Variants in HNRNPA1L2 observed in about 807,000 individuals in gnomAD.
HNRNPA1L2 encodes the protein heterogeneous nuclear ribonucleoprotein A1-like 2.
HNRNPA1L2 carries 10 observed loss-of-function variants against 18.2 expected under a neutral mutation model. The ratio of observed to expected loss-of-function variants is 0.55; its 90% confidence interval spans 0.34 to 0.93. The LOEUF is 0.93. HNRNPA1L2 is among the 40% of genes least tolerant of loss of function. The pLI, the probability that HNRNPA1L2 is intolerant of heterozygous loss-of-function variation, is 0.02. For missense variants in HNRNPA1L2, 308 were observed against 394.4 expected (o/e 0.78, Z 1.85); for synonymous variants, 124 against 138.6 (o/e 0.89, Z 0.74).
At chr13:52,623,179 A>G in the HNRNPA1L2 span, among the ~76,000 whole-genome samples, 1 of 152,212 alleles carries the variant, frequency 6.6e-6, no homozygotes, top group Non-Finnish European at 1.5e-5. Flanking sequence ...TAAATAACAC[A>G]AACATATAAA....
At chr13:52,634,247 C>A in the HNRNPA1L2 span, among the ~76,000 whole-genome samples, 1 of 152,162 alleles carries the variant, frequency 6.6e-6, no homozygotes, top group Non-Finnish European at 1.5e-5. Context: ...AAGTGTGCAT[C>A]AGAAAGGAAT....
At chr13:52,638,891 G>C (rs202015670), upstream of HNRNPA1L2, among the ~76,000 whole-genome samples, 1 of 152,194 alleles carries the variant, frequency 6.6e-6, no homozygotes, top group Non-Finnish European at 1.5e-5. Flanking sequence ...GCTGGAATAT[G>C]CTTGTGGTTT....
At chr13:52,621,816 T>A in the HNRNPA1L2 span, among the ~76,000 whole-genome samples, 458 of 152,288 alleles carry the variant, frequency 3.0e-3, 5 homozygotes, top group Non-Finnish European at 4.0e-3. Context: ...TTGCACGAGG[T>A]TGAGGCATAT....
chr13:52,631,200 C>T, the HNRNPA1L2 span, among the ~76,000 whole-genome samples: 3 of 152,168 alleles, frequency 2.0e-5, no homozygotes, highest in Admixed American at 2.0e-4. Flanking sequence ...TTCACACTGG[C>T]CTTTCTCAGA....
the HNRNPA1L2 span, among the ~76,000 whole-genome samples, chr13:52,625,016 G>A: frequency 6.6e-6 from 1 of 151,742 alleles, no homozygotes; most frequent in Non-Finnish European, 1.5e-5. Context: ...GGGCAACAGA[G>A]TGAGACCCTA....
chr13:52,628,506 C>A, the HNRNPA1L2 span, among the ~76,000 whole-genome samples: 7 of 151,984 alleles, frequency 4.6e-5, no homozygotes, highest in Non-Finnish European at 1.0e-4. Flanking sequence ...TTCAGTGACT[C>A]ATTTTGTTTG....
At chr13:52,617,608 C>T in the HNRNPA1L2 span, 15 of 473,832 alleles carry the variant, frequency 3.2e-5, no homozygotes, top group East Asian at 3.2e-4. Flanking sequence ...TTTCCTGCCA[C>T]CCTTTGTCCC....
At chr13:52,633,151 C>T in the HNRNPA1L2 span, among the ~76,000 whole-genome samples, 3 of 152,164 alleles carry the variant, frequency 2.0e-5, no homozygotes, top group East Asian at 5.8e-4. Context: ...TATTAATCAC[C>T]TACCATTTGC....
chr13:52,632,890 T>A, the HNRNPA1L2 span, among the ~76,000 whole-genome samples: 1 of 152,190 alleles, frequency 6.6e-6, no homozygotes, highest in African/African-American at 2.4e-5. Context: ...GATGTTTGGG[T>A]TCTCAGGGAC....
the HNRNPA1L2 span, among the ~76,000 whole-genome samples, chr13:52,630,432 G>A: frequency 2.6e-5 from 4 of 152,092 alleles, no homozygotes; most frequent in Admixed American, 6.5e-5. Context: ...GCACCACCAT[G>A]CCCAGCTCAT....
chr13:52,626,603 G>A, the HNRNPA1L2 span, among the ~76,000 whole-genome samples: 2 of 151,910 alleles, frequency 1.3e-5, no homozygotes, highest in Non-Finnish European at 2.9e-5. Context: ...CCTTTATACT[G>A]TCACCCAGCT....
At chr13:52,636,603 T>G in the HNRNPA1L2 span, among the ~76,000 whole-genome samples, 1 of 152,352 alleles carries the variant, frequency 6.6e-6, no homozygotes, top group East Asian at 1.9e-4. Context: ...TTGATCTAAC[T>G]TCTTTGGTTG....
rs527814646 is a variant in HNRNPA1L2, at chr13:52,643,767, C to T, written c.*312C>T. The T allele has an allele frequency of 2.1e-5, 8 of 376,778 alleles. No homozygotes were observed. Among genetic ancestry groups the T allele is most frequent in the African/African-American group, 6.4e-5 (3 of 47,180 alleles). The allele number at this position is 376,778 out of a possible 1,614,324, so 23.3% of individuals were successfully genotyped here. ...GCTAAATGTAATAGTCTGATTGTGA[C>T]GCTGAATAAATGTCTCTAAAAAAAA... On this transcript the variant is annotated 3_prime_UTR_variant, in exon 1 of 1. Coordinates refer to ENST00000357495, the MANE Select transcript of HNRNPA1L2 (RefSeq NM_001389320.1).
In HNRNPA1L2 at chr13:52,643,118, G is replaced by A. The variant is rs1961717795; in HGVS notation, c.626G>A (p.Gly209Asp). 8 of 1,597,984 alleles carry A rather than the reference G, an allele frequency of 5.0e-6. No individual in the cohort carries two copies. Among genetic ancestry groups the A allele is most frequent in the African/African-American group, 1.3e-5 (1 of 74,986 alleles). ...SGNFGGGRGD[G>D]FGGNDNFGRG... ...AACTTTGGTGGTGGTCGTGGAGATG[G>A]TTTCGGTGGGAATGACAACTTTGGT... Residue 209 changes from glycine to aspartate, a missense_variant, in exon 1 of 1, where the codon GGT (glycine) becomes GAT (aspartate). Physicochemically the swap from Gly to Asp is moderately conservative, Grantham distance 94. Transcript: ENST00000357495.
Position 52,643,641 on chromosome 13 carries a change from T to C in HNRNPA1L2, c.*186T>C, listed in dbSNP as rs1961741602. 1 of 616,910 alleles carries C rather than the reference T, an allele frequency of 1.6e-6. No homozygotes were observed. Among genetic ancestry groups the C allele is most frequent in the African/African-American group, 1.8e-5 (1 of 54,300 alleles). The allele number at this position is 616,910 out of a possible 1,614,324, so 38.2% of individuals were successfully genotyped here. A position where few individuals can be genotyped will look rare whatever the true frequency, so the allele number is the denominator to read the frequency against. The stretch of plus-strand genomic sequence containing the variant: ...CTCGAGGACTGTATTTGTGACTAAT[T>C]GTATAACAGGTTATTTTAGTTTCTG... On this transcript the variant is annotated 3_prime_UTR_variant, in exon 1 of 1. Coordinates refer to ENST00000357495, the MANE Select transcript of HNRNPA1L2 (RefSeq NM_001389320.1).
the HNRNPA1L2 span, among the ~76,000 whole-genome samples, chr13:52,636,283 A>T: frequency 2.0e-5 from 3 of 152,180 alleles, no homozygotes; most frequent in Non-Finnish European, 4.4e-5. Context: ...TCTTGGGTAA[A>T]TATCCAGCGA....
rs925784872 is a variant in HNRNPA1L2, at chr13:52,643,722, T to C, written c.*267T>C. On this transcript the variant is annotated 3_prime_UTR_variant, in exon 1 of 1. Coordinates refer to ENST00000357495, the MANE Select transcript of HNRNPA1L2 (RefSeq NM_001389320.1). ...AGTGTTTTAATGTAGATTTTTTTTT[T>C]TGCACCCATGCTGTTGATTGCTAAA... 10 of 523,992 alleles carry C rather than the reference T, an allele frequency of 1.9e-5. No individual in the cohort carries two copies. The Admixed American group carries it at 2.2e-4, about 12-fold the overall frequency. The allele number at this position is 523,992 out of a possible 1,614,324, so 32.5% of individuals were successfully genotyped here.
chr13:52,625,012 CAG>C, the HNRNPA1L2 span, among the ~76,000 whole-genome samples: 1 of 150,740 alleles, frequency 6.6e-6, no homozygotes, highest in African/African-American at 2.4e-5. Context: ...GCATGGGCAA[CAG>C]AGTGAGACCC....
upstream of HNRNPA1L2, chr13:52,641,430 A>G (rs900346496): frequency 6.6e-6 from 1 of 152,180 alleles, no homozygotes; most frequent in Non-Finnish European, 1.5e-5. Context: ...CTTTTCCTCT[A>G]AACTCTCTAT....
Sources: gnomAD v4.1 joint callset for allele counts (sites outside exome capture counted in the v4.1 genomes callset) on GRCh38, gnomAD v4.1.1 for gene constraint, MANE v1.5 for transcripts, NCBI Gene and HGNC (gene_info 2026-07-23, HGNC 2026-07-21) for gene names.